Variants in TG observed in about 807,000 individuals in gnomAD.
The protein encoded by TG is thyroglobulin, also known as thyroid hormones.
TG carries 270 observed loss-of-function variants against 324.7 expected under a neutral mutation model. The ratio of observed to expected loss-of-function variants is 0.83; its 90% CI spans 0.75 to 0.92. The LOEUF is 0.92. Among genes scored for constraint, TG ranks in the 40% least tolerant of loss-of-function variants. The pLI, the probability that TG is intolerant of heterozygous loss-of-function variation, is 0.00. For missense variants in TG, 3,591 were observed against 3,456.4 expected (o/e 1.04, Z -0.98); for synonymous variants, 1,401 against 1,327.0 (o/e 1.06, Z -1.21).
At position 132,913,034 on chromosome 8, in the gene TG, C is replaced by T. The variant is rs201072590; in HGVS notation, c.4160-13C>T. The T allele has an allele frequency of 5.6e-6, 9 of 1,613,748 alleles. No individual in the cohort carries two copies. The highest frequency in any genetic ancestry group is 7.6e-6 in the Non-Finnish European group (9 of 1,179,778). On this transcript the variant is annotated splice_polypyrimidine_tract_variant and intron_variant, in intron 19 of 47. Coordinates refer to ENST00000220616, the MANE Select transcript of TG (RefSeq NM_003235.5). ...CAGTGGGGGTGACCTCTACCTTATC[C>T]TGTGTCTTACAGAGAGAGCCTTGGT...
At chr8:132,915,255 G>T (rs529707970) in intron 20 of TG, among the ~76,000 whole-genome samples, 3 of 152,246 alleles carry the variant, frequency 2.0e-5, no homozygotes, top group African/African-American at 7.2e-5. Context: ...GGAGGTAAAG[G>T]GAAGGCAGAG....
chr8:133,024,358 CTTTCTTT>C, intron 40 of TG, among the ~76,000 whole-genome samples: 1 of 126,206 alleles, frequency 7.9e-6, no homozygotes, highest in Non-Finnish European at 1.7e-5. Context: ...TTCTTTCTTT[CTTTCTTT>C]CTTTCTTTCT....
intron 44 of TG, among the ~76,000 whole-genome samples, chr8:133,115,636 G>A (rs1171919851): frequency 6.6e-6 from 1 of 152,200 alleles, no homozygotes; most frequent in East Asian, 1.9e-4. Context: ...GGGACCTTTG[G>A]CCCCACTTCT....
chr8:132,882,664 T>C, intron 7 of TG, 52 bp downstream of exon 7: 1 of 1,614,054 alleles, frequency 6.2e-7, no homozygotes, highest in Non-Finnish European at 8.5e-7. Context: ...GGGACGCCTC[T>C]TGGGTTTCAA....
At chr8:132,883,052 C>G in intron 8 of TG, 53 bp downstream of exon 8, 1 of 1,583,292 alleles carries the variant, frequency 6.3e-7, no homozygotes, top group South Asian at 1.1e-5. Context: ...ATTACTTTGG[C>G]GGTCCTCCAG....
chr8:133,045,505 C>G (rs772308694), intron 41 of TG, among the ~76,000 whole-genome samples: 11 of 151,528 alleles, frequency 7.3e-5, no homozygotes, highest in Non-Finnish European at 1.5e-4. Context: ...AGGGATCCTC[C>G]CACCTCAGCC....
chr8:132,974,054 C>T (rs996096901), intron 34 of TG, among the ~76,000 whole-genome samples: 10 of 139,766 alleles, frequency 7.2e-5, no homozygotes, highest in Non-Finnish European at 9.0e-5. Context: ...AGTGCAATGG[C>T]GCGATCTCAG....
chr8:133,110,804 G>A (rs553049617), intron 43 of TG, among the ~76,000 whole-genome samples: 1 of 152,304 alleles, frequency 6.6e-6, no homozygotes, highest in East Asian at 1.9e-4. Flanking sequence ...GCAAGAGCTG[G>A]AACCCAAATC....
chr8:132,957,328 T>C (rs577917704), intron 27 of TG, among the ~76,000 whole-genome samples: 1 of 152,286 alleles, frequency 6.6e-6, no homozygotes, highest in East Asian at 1.9e-4. Context: ...TAAGACAGCA[T>C]ATTTCCCAGG....
chr8:133,114,009 G>T (rs1850488091), intron 44 of TG, among the ~76,000 whole-genome samples: 1 of 152,192 alleles, frequency 6.6e-6, no homozygotes, highest in Non-Finnish European at 1.5e-5. Context: ...CCCAGTCTTG[G>T]CTGCCCATCA....
At chr8:132,952,954 C>G (rs1288524592) in intron 27 of TG, among the ~76,000 whole-genome samples, 1 of 152,212 alleles carries the variant, frequency 6.6e-6, no homozygotes, top group African/African-American at 2.4e-5. Flanking sequence ...CTTCCACCAT[C>G]CTATGTGCAA....
intron 22 of TG, among the ~76,000 whole-genome samples, chr8:132,924,704 C>A (rs1354290549): frequency 7.2e-5 from 11 of 152,128 alleles, no homozygotes; most frequent in Admixed American, 7.2e-4. Flanking sequence ...CCCAGTGGTG[C>A]CTTTACTGGC....
At chr8:133,130,435 CAT>C (rs1224882884) in intron 45 of TG, among the ~76,000 whole-genome samples, 1 of 152,164 alleles carries the variant, frequency 6.6e-6, no homozygotes, top group African/African-American at 2.4e-5. Context: ...AATTTAATCA[CAT>C]GAGTGCTCTA....
intron 20 of TG, among the ~76,000 whole-genome samples, chr8:132,915,874 A>G (rs925356513): frequency 6.6e-6 from 1 of 152,216 alleles, no homozygotes; most frequent in Admixed American, 6.5e-5. Context: ...ACATGGCCCC[A>G]TCCTCTTACT....
At chr8:133,039,105 C>T (rs761001016) in intron 41 of TG, among the ~76,000 whole-genome samples, 91 of 152,176 alleles carry the variant, frequency 6.0e-4, no homozygotes, top group Non-Finnish European at 2.1e-4. Context: ...TCTCAAACTC[C>T]TGACCTTAGG....
rs752004730 is a variant in TG at position 133,131,932 on chromosome 8, C to T, written c.7983C>T (p.His2661=). Residue 2661 remains histidine (H), a synonymous_variant, in exon 46 of 48, where the codon CAC becomes CAT. Transcript: ENST00000220616. ...LSLKIMQYFS[H]FIRSGNPNYP... ...TGAAAATCATGCAGTACTTTTCCCA[C>T]TTCATCAGATCAGGGTAATTTTGGA... 3.7e-6 allele frequency: 6 copies of T among 1,613,976 alleles called. No homozygotes were observed. Among genetic ancestry groups the T allele is most frequent in the African/African-American group, 1.3e-5 (1 of 74,890 alleles).
intron 20 of TG, among the ~76,000 whole-genome samples, chr8:132,917,777 G>A (rs553376878): frequency 1.3e-5 from 2 of 152,220 alleles, no homozygotes; most frequent in African/African-American, 4.8e-5. Flanking sequence ...TTGTGGACAA[G>A]GGTTGGCAGG....
intron 41 of TG, among the ~76,000 whole-genome samples, chr8:133,054,157 C>T (rs1840926278): frequency 6.6e-6 from 1 of 152,110 alleles, no homozygotes; most frequent in Admixed American, 6.5e-5. Context: ...GACATATTAT[C>T]ATCTACTCCT....
At chr8:133,049,581 C>G (rs1045830075) in intron 41 of TG, 2 of 334,514 alleles carry the variant, frequency 6.0e-6, no homozygotes, top group Admixed American at 4.0e-5. Flanking sequence ...CCTAGACACA[C>G]TGACTTCTAG....
Sources: gnomAD v4.1 joint callset for allele counts (sites outside exome capture counted in the v4.1 genomes callset) on GRCh38, gnomAD v4.1.1 for gene constraint, MANE v1.5 for transcripts, NCBI Gene and HGNC (gene_info 2026-07-23, HGNC 2026-07-21) for gene names.